The following TSHZ2 variants were observed in gnomAD, a reference collection of about 807,000 sequenced individuals.
The protein encoded by TSHZ2 is teashirt homolog 2.
A neutral mutation model predicts 74.4 loss-of-function variants in TSHZ2; 21 were observed. The observed-to-expected ratio is 0.28, with a 90% confidence interval of 0.20 to 0.41. The LOEUF (loss-of-function observed/expected upper bound fraction) is 0.41. Among genes scored for constraint, TSHZ2 ranks in the 10% least tolerant of loss-of-function variants. The pLI is 1.00. For synonymous variants in TSHZ2, 540 were observed against 515.3 expected (o/e 1.05, Z -0.65); for missense variants, 1,244 against 1,293.5 (o/e 0.96, Z 0.59).
intron 1 of TSHZ2, among the ~76,000 whole-genome samples, chr20:53,031,594 G>A (rs1403178801): frequency 6.6e-6 from 1 of 152,204 alleles, no homozygotes; most frequent in African/African-American, 2.4e-5. Flanking sequence ...GCACAGAGAA[G>A]TCACTCACAC....
At chr20:53,341,479 G>T (rs200614) in intron 2 of TSHZ2, among the ~76,000 whole-genome samples, 112,716 of 151,712 alleles carry the variant, frequency 0.74, 41,978 homozygotes, top group South Asian at 0.77. Context: ...ATCTCTTTCT[G>T]TCTTTTTTCT....
intron 1 of TSHZ2, among the ~76,000 whole-genome samples, chr20:53,228,539 C>T (rs1457894293): frequency 2.6e-5 from 4 of 152,330 alleles, no homozygotes; most frequent in Admixed American, 6.5e-5. Flanking sequence ...TTGGGGCTGT[C>T]CTGGGCATTT....
intron 1 of TSHZ2, among the ~76,000 whole-genome samples, chr20:53,225,541 G>T (rs548490953): frequency 6.6e-6 from 1 of 152,200 alleles, no homozygotes; most frequent in East Asian, 1.9e-4. Context: ...TGCAGGCTTC[G>T]CATTGATTTA....
intron 1 of TSHZ2, among the ~76,000 whole-genome samples, chr20:53,048,069 G>T (rs1287748849): frequency 6.6e-6 from 1 of 152,132 alleles, no homozygotes; most frequent in East Asian, 1.9e-4. Flanking sequence ...GGTACTCTGT[G>T]CTTGAATACA....
At chr20:53,033,650 GCTTTTTTT>G (rs1983719373) in intron 1 of TSHZ2, among the ~76,000 whole-genome samples, 1 of 60,548 alleles carries the variant, frequency 1.7e-5, no homozygotes, top group African/African-American at 7.6e-5. Context: ...TTGATAAAAA[GCTTTTTTT>G]TTTTTTTTTT....
chr20:53,476,402 C>A (rs959647728), intron 2 of TSHZ2, among the ~76,000 whole-genome samples: 1 of 151,820 alleles, frequency 6.6e-6, no homozygotes, highest in Non-Finnish European at 1.5e-5. Context: ...GAGCCAAAGA[C>A]AAAAACCACA....
At chr20:53,468,449 G>GC (rs1821250168) in intron 2 of TSHZ2, among the ~76,000 whole-genome samples, 1 of 152,058 alleles carries the variant, frequency 6.6e-6, no homozygotes, top group Admixed American at 6.6e-5. Context: ...CTCTTGGGAG[G>GC]CCCCACATCT....
At chr20:53,038,620 C>T (rs1319947217) in intron 1 of TSHZ2, among the ~76,000 whole-genome samples, 1 of 152,194 alleles carries the variant, frequency 6.6e-6, no homozygotes, top group Non-Finnish European at 1.5e-5. Context: ...CTGTCTACTT[C>T]TTTAACTTTG....
intron 1 of TSHZ2, among the ~76,000 whole-genome samples, chr20:52,983,848 C>T (rs1981656115): frequency 6.6e-6 from 1 of 152,104 alleles, no homozygotes; most frequent in East Asian, 1.9e-4. Flanking sequence ...TCAGCCTCTC[C>T]CTGCGCGCTC....
At chr20:53,088,438 A>C (rs1985764910) in intron 1 of TSHZ2, among the ~76,000 whole-genome samples, 1 of 152,184 alleles carries the variant, frequency 6.6e-6, no homozygotes. Flanking sequence ...TTAAAGCACT[A>C]GCAACAAATT....
intron 1 of TSHZ2, among the ~76,000 whole-genome samples, chr20:53,090,647 A>G (rs1309663260): frequency 1.4e-4 from 21 of 152,304 alleles, no homozygotes; most frequent in Non-Finnish European, 2.2e-4. Flanking sequence ...GCTTGCTTGC[A>G]AGGGTCTCCG....
intron 2 of TSHZ2, among the ~76,000 whole-genome samples, chr20:53,404,722 G>A (rs919705972): frequency 4.6e-5 from 7 of 152,134 alleles, no homozygotes; most frequent in African/African-American, 1.7e-4. Context: ...AGCGGAAAAG[G>A]ATCAGATAAG....
intron 2 of TSHZ2, among the ~76,000 whole-genome samples, chr20:53,317,975 G>A (rs1338121212): frequency 6.6e-6 from 1 of 152,150 alleles, no homozygotes; most frequent in Non-Finnish European, 1.5e-5. Flanking sequence ...AAGGTTCTTT[G>A]GTGGCAAAAA....
chr20:53,436,872 C>G (rs1037364834), intron 2 of TSHZ2, among the ~76,000 whole-genome samples: 1 of 152,054 alleles, frequency 6.6e-6, no homozygotes, highest in South Asian at 2.1e-4. Flanking sequence ...TGTTCACTTA[C>G]TCTTGGCCCT....
At chr20:53,235,037 C>A (rs1319240900) in intron 1 of TSHZ2, among the ~76,000 whole-genome samples, 2 of 150,190 alleles carry the variant, frequency 1.3e-5, no homozygotes, top group Non-Finnish European at 2.9e-5. Flanking sequence ...CACTTTCAGT[C>A]CCCTAGGAGC....
intron 2 of TSHZ2, among the ~76,000 whole-genome samples, chr20:53,363,099 G>A (rs1568885606): frequency 6.6e-6 from 1 of 152,236 alleles, no homozygotes. Context: ...CCCCGTAGGA[G>A]GGGTATACCC....
In TSHZ2 at chr20:53,391,470, T is replaced by G. The variant is rs1237274114; in HGVS notation, c.*9-95674T>G. On this transcript the variant is annotated intron_variant, in intron 2 of 2. Coordinates refer to ENST00000371497, the MANE Select transcript of TSHZ2 (RefSeq NM_173485.6). Reference sequence around the variant, plus strand: ...GTTTTTTTTGTTTGTTTGTTTGTTTTTTGTTTTTGTTTTTTTTTTTTTACA... The same window carrying G: ...GTTTTTTTTGTTTGTTTGTTTGTTTGTTGTTTTTGTTTTTTTTTTTTTACA... Among the ~76,000 whole-genome samples the G allele has an allele frequency of 2.0e-5, 3 of 151,640 alleles. No individual in the cohort carries two copies. In the East Asian group the frequency reaches 5.8e-4, roughly 29 times the overall value.
intron 1 of TSHZ2, among the ~76,000 whole-genome samples, chr20:53,118,282 G>A (rs1326176554): frequency 2.6e-5 from 4 of 152,198 alleles, no homozygotes; most frequent in Middle Eastern, 3.4e-3. Flanking sequence ...TTAGGGGAGC[G>A]GGGTGGGAAG....
At chr20:53,073,520 G>A (rs1985266859) in intron 1 of TSHZ2, among the ~76,000 whole-genome samples, 1 of 152,138 alleles carries the variant, frequency 6.6e-6, no homozygotes. Context: ...ATTAACTGAA[G>A]GTTAGAGTAA....
Sources: allele counts gnomAD v4.1 joint callset (sites outside exome capture counted in the v4.1 genomes callset), GRCh38; gene constraint gnomAD v4.1.1; transcripts MANE v1.5; gene names NCBI Gene and HGNC (gene_info 2026-07-23, HGNC 2026-07-21).